Variants in NDUFAF6 observed in about 807,000 individuals in gnomAD.
NDUFAF6 encodes the protein NADH:ubiquinone oxidoreductase complex assembly factor 6.
In NDUFAF6, 45 loss-of-function variants were observed where a neutral mutation model predicts 40.8. The ratio of observed to expected loss-of-function variants is 1.10; its 90% CI spans 0.87 to 1.42. NDUFAF6 has a LOEUF of 1.42. NDUFAF6 is among the 40% of genes most tolerant of loss of function. The probability of loss-of-function intolerance (pLI) is 0.00; values close to 1 mark genes in which losing one functional copy is unlikely to be tolerated. For synonymous variants in NDUFAF6, 185 were observed against 155.9 expected (o/e 1.19, Z -1.39); for missense variants, 435 against 418.5 (o/e 1.04, Z -0.34).
At chr8:95,018,894 G>T (rs879907285) in intron 2 of NDUFAF6, among the ~76,000 whole-genome samples, 10 of 152,170 alleles carry the variant, frequency 6.6e-5, no homozygotes, top group Non-Finnish European at 1.5e-4. Flanking sequence ...TTGACTTAGG[G>T]GCTATGGCAT....
At chr8:94,985,502 TA>T (rs1825797025) in intron 2 of NDUFAF6, among the ~76,000 whole-genome samples, 10 of 8,664 alleles carry the variant, frequency 1.2e-3, no homozygotes, top group East Asian at 2.0e-3. Context: ...TATATATATA[TA>T]TATATATATA....
At chr8:95,117,998 G>A (rs1810169749), downstream of NDUFAF6, among the ~76,000 whole-genome samples, 2 of 152,180 alleles carry the variant, frequency 1.3e-5, no homozygotes, top group Non-Finnish European at 2.9e-5. Flanking sequence ...GCTAAGCTCG[G>A]CAGTTCTTGC....
At chr8:95,048,681 C>T (rs1831088814) in intron 7 of NDUFAF6, 123 bp downstream of exon 7, 6 of 772,772 alleles carry the variant, frequency 7.8e-6, no homozygotes, top group South Asian at 7.5e-5. Flanking sequence ...ATTGATTTCC[C>T]AGTAGATTTA....
At chr8:95,040,909 A>ACAC (rs1437044428) in intron 3 of NDUFAF6, 3 of 152,238 alleles carry the variant, frequency 2.0e-5, no homozygotes, top group Admixed American at 2.0e-4. Flanking sequence ...GGTAGTAGAG[A>ACAC]CAAGTGTCTG....
intron 2 of NDUFAF6, chr8:94,951,368 A>G (rs1173155204): frequency 2.0e-5 from 3 of 152,254 alleles, no homozygotes; most frequent in African/African-American, 7.2e-5. Flanking sequence ...CGGCATTGTG[A>G]ACAAATAAAT....
rs185846525 is a variant in NDUFAF6 at position 95,085,187 on chromosome 8, A to T, written n.213+9435A>T. Among the ~76,000 whole-genome samples the T allele has an allele frequency of 2.2e-3, 331 of 152,346 alleles. 2 individuals are homozygous for T. The highest frequency in any genetic ancestry group is 7.7e-3 in the African/African-American group (321 of 41,572). ...TCAAGGATAGGCCCTAACAGGATCCAGGGTCGGTTTGTCCCATAAAGTTCC... is the reference window on the plus strand; with the variant it reads ...TCAAGGATAGGCCCTAACAGGATCCTGGGTCGGTTTGTCCCATAAAGTTCC... On this transcript the variant is annotated intron_variant and non_coding_transcript_variant, in intron 2 of 5. Transcript: ENST00000523184.
chr8:95,041,661 T>G, intron 4 of NDUFAF6, 35 bp downstream of exon 4: 1 of 1,527,866 alleles, frequency 6.5e-7, no homozygotes. Flanking sequence ...AAGTTTTTTC[T>G]TCCTGTTTAA....
In NDUFAF6 at chr8:95,002,457, C is replaced by G. The variant is rs151259431; in HGVS notation, c.-84+21484C>G. Among the ~76,000 whole-genome samples the G allele has an allele frequency of 9.9e-3, 1,514 of 152,322 alleles. 27 individuals are homozygous for G. Among genetic ancestry groups the G allele is most frequent in the African/African-American group, 0.035 (1,443 of 41,560 alleles). On this transcript the variant is annotated intron_variant, in intron 2 of 9. Coordinates refer to the NDUFAF6 transcript ENST00000396111. ...AGTTAACTTTTAGTGAACACACCTA[C>G]TATGCAGACTTAAGCCTTGCATCCA... is the stretch of plus-strand genomic sequence containing the variant.
intron 2 of NDUFAF6, among the ~76,000 whole-genome samples, chr8:95,004,973 G>A (rs1826896570): frequency 6.6e-6 from 1 of 152,148 alleles, no homozygotes; most frequent in Non-Finnish European, 1.5e-5. Flanking sequence ...GTAGGCCCAA[G>A]TAAGGGGGGA....
At chr8:94,947,580 A>G (rs896855) in intron 2 of NDUFAF6, among the ~76,000 whole-genome samples, 66,589 of 152,046 alleles carry the variant, frequency 0.44, 15,668 homozygotes, top group East Asian at 0.72. Context: ...TGAACTGCAG[A>G]AAAAACCAAG....
At chr8:94,998,867 A>G (rs960621238) in intron 2 of NDUFAF6, among the ~76,000 whole-genome samples, 2 of 152,166 alleles carry the variant, frequency 1.3e-5, no homozygotes, top group African/African-American at 2.4e-5. Context: ...TATAGATTAT[A>G]AAACAGCCTG....
chr8:95,112,172 G>A (rs1240438614), intron 4 of NDUFAF6, among the ~76,000 whole-genome samples: 2 of 152,218 alleles, frequency 1.3e-5, no homozygotes, highest in African/African-American at 4.8e-5. Context: ...GAGTGCAAAG[G>A]CCTCTGCTTT....
intron 1 of NDUFAF6, chr8:94,940,713 C>A: frequency 1.4e-6 from 1 of 696,544 alleles, no homozygotes; most frequent in Non-Finnish European, 2.4e-6. Context: ...AGACAAACTC[C>A]TGCTTACTTT....
intron 7 of NDUFAF6, among the ~76,000 whole-genome samples, chr8:95,051,324 G>T (rs1237341105): frequency 6.6e-6 from 1 of 152,172 alleles, no homozygotes; most frequent in African/African-American, 2.4e-5. Flanking sequence ...GAAAATCAAG[G>T]GAGGAGAAGA....
intron 8 of NDUFAF6, among the ~76,000 whole-genome samples, chr8:95,057,080 C>G (rs1832266511): frequency 6.6e-6 from 1 of 152,132 alleles, no homozygotes; most frequent in Non-Finnish European, 1.5e-5. Flanking sequence ...TGCCGCAGAA[C>G]TCTAGGGGGC....
At chr8:94,956,495 G>A (rs1823085540), upstream of NDUFAF6, among the ~76,000 whole-genome samples, 1 of 152,172 alleles carries the variant, frequency 6.6e-6, no homozygotes, top group Non-Finnish European at 1.5e-5. Flanking sequence ...ACTGGAGAAG[G>A]AGACCAGATC....
chr8:94,945,691 A>G (rs562550733), intron 2 of NDUFAF6: 1 of 152,360 alleles, frequency 6.6e-6, no homozygotes, highest in Non-Finnish European at 1.5e-5. Context: ...TGCTAGGGCA[A>G]TCATAGAACG....
intron 4 of NDUFAF6, among the ~76,000 whole-genome samples, chr8:95,044,899 T>TTATTTTTTATTTATTTATTAG (rs1282962435): frequency 6.6e-6 from 1 of 152,160 alleles, no homozygotes; most frequent in African/African-American, 2.4e-5. Flanking sequence ...GCTATTAGAT[T>TTATTTTTTATTTATTTATTAG]CTCATTTTTC....
intron 2 of NDUFAF6, among the ~76,000 whole-genome samples, chr8:95,015,896 G>C (rs1295852877): frequency 6.6e-6 from 1 of 151,530 alleles, no homozygotes; most frequent in Non-Finnish European, 1.5e-5. Context: ...ATAGAAATTA[G>C]CCAGATCAAG....
Sources: allele counts gnomAD v4.1 joint callset (sites outside exome capture counted in the v4.1 genomes callset), GRCh38; gene constraint gnomAD v4.1.1; transcripts MANE v1.5; gene names NCBI Gene and HGNC (gene_info 2026-07-23, HGNC 2026-07-21).